Variants in ZNG1C observed in about 807,000 individuals in gnomAD.
ZNG1C encodes the protein Zn regulated GTPase metalloprotein activator 1C.
At chr9:68,266,543 C>T in the ZNG1C span, among the ~76,000 whole-genome samples, 15 of 146,272 alleles carry the variant, frequency 1.0e-4, no homozygotes, top group Middle Eastern at 3.5e-3. Context: ...TCAGGGTCTT[C>T]GCACTCCATC....
At chr9:68,287,558 A>G in the ZNG1C span, among the ~76,000 whole-genome samples, 6 of 152,286 alleles carry the variant, frequency 3.9e-5, no homozygotes, top group Non-Finnish European at 8.8e-5. Context: ...TAAAAAAAAC[A>G]AATGTATTTT....
At chr9:68,269,207 T>C in the ZNG1C span, 15 of 412,290 alleles carry the variant, frequency 3.6e-5, no homozygotes, top group Non-Finnish European at 6.7e-5. Flanking sequence ...ATGATAACAC[T>C]GTGTAAGTGT....
chr9:68,255,870 G>T, the ZNG1C span, among the ~76,000 whole-genome samples: 1 of 152,174 alleles, frequency 6.6e-6, no homozygotes, highest in Non-Finnish European at 1.5e-5. Flanking sequence ...TTAAATAATT[G>T]TCATGGTAAA....
At chr9:68,291,890 T>C in the ZNG1C span, among the ~76,000 whole-genome samples, 2 of 141,524 alleles carry the variant, frequency 1.4e-5, no homozygotes, top group African/African-American at 2.6e-5. Context: ...AAATAGTACA[T>C]TAAACCAGCA....
the ZNG1C span, among the ~76,000 whole-genome samples, chr9:68,266,643 A>G: frequency 6.8e-6 from 1 of 146,386 alleles, no homozygotes. Flanking sequence ...CCATGGATGC[A>G]TCCTGTCAGT....
At chr9:68,276,495 A>G in the ZNG1C span, among the ~76,000 whole-genome samples, 6 of 143,522 alleles carry the variant, frequency 4.2e-5, no homozygotes, top group Non-Finnish European at 9.1e-5. Context: ...GGTGTAAGGA[A>G]GGGATCCAGT....
the ZNG1C span, among the ~76,000 whole-genome samples, chr9:68,247,173 G>C: frequency 6.6e-6 from 1 of 152,158 alleles, no homozygotes; most frequent in Non-Finnish European, 1.5e-5. Flanking sequence ...TACTCATTGG[G>C]AATATTCAGC....
the ZNG1C span, among the ~76,000 whole-genome samples, chr9:68,288,647 ATTTTTTTTTT>A: frequency 1.4e-4 from 8 of 56,966 alleles, no homozygotes; most frequent in South Asian, 7.0e-4. Flanking sequence ...TAATTTTTGT[ATTTTTTTTTT>A]TTTTTTTTTT....
the ZNG1C span, among the ~76,000 whole-genome samples, chr9:68,279,434 A>C: frequency 3.4e-3 from 444 of 132,090 alleles, no homozygotes; most frequent in Middle Eastern, 7.1e-3. Flanking sequence ...ATGATTTTGC[A>C]GCGGCTGGTA....
At chr9:68,285,210 C>A in the ZNG1C span, 2 of 28,136 alleles carry the variant, frequency 7.1e-5, 1 homozygote, top group East Asian at 7.6e-4. Context: ...TAGGACCCCC[C>A]CAAAGAGACT....
the ZNG1C span, among the ~76,000 whole-genome samples, chr9:68,244,614 A>G: frequency 7.1e-6 from 1 of 140,142 alleles, no homozygotes; most frequent in Non-Finnish European, 1.5e-5. Flanking sequence ...GAAATGATAT[A>G]GTCATACAAT....
At chr9:68,278,059 AT>A in the ZNG1C span, among the ~76,000 whole-genome samples, 1 of 115,088 alleles carries the variant, frequency 8.7e-6, no homozygotes. Flanking sequence ...CAAGGAATTT[AT>A]CCATTTCTTC....
the ZNG1C span, among the ~76,000 whole-genome samples, chr9:68,276,107 G>C: frequency 6.6e-6 from 1 of 150,982 alleles, no homozygotes; most frequent in Admixed American, 6.6e-5. Context: ...GTCTTCTTTT[G>C]AGAAGTGTCT....
At chr9:68,247,425 T>G in the ZNG1C span, among the ~76,000 whole-genome samples, 3 of 151,392 alleles carry the variant, frequency 2.0e-5, no homozygotes, top group African/African-American at 7.3e-5. Context: ...TTAAGACATC[T>G]TAAATAAAAG....
At chr9:68,270,878 G>A in the ZNG1C span, 1 of 144,304 alleles carries the variant, frequency 6.9e-6, no homozygotes. Flanking sequence ...GCGAGACTCT[G>A]TCTCAAAAAA....
chr9:68,280,993 G>A, the ZNG1C span, among the ~76,000 whole-genome samples: 6 of 112,558 alleles, frequency 5.3e-5, no homozygotes, highest in Non-Finnish European at 9.7e-5. Context: ...GCGAGACTCC[G>A]TGGGCGTGGG....
At chr9:68,256,759 T>A in the ZNG1C span, among the ~76,000 whole-genome samples, 1 of 116,782 alleles carries the variant, frequency 8.6e-6, no homozygotes, top group African/African-American at 3.3e-5. Flanking sequence ...TCACTATAAT[T>A]CCCTTTTGCT....
chr9:68,295,892 G>GAA, the ZNG1C span, among the ~76,000 whole-genome samples: 4 of 71,288 alleles, frequency 5.6e-5, no homozygotes, highest in African/African-American at 2.2e-4. Flanking sequence ...AACCACTATG[G>GAA]AAAACAGTGT....
chr9:68,293,242 A>C, the ZNG1C span, among the ~76,000 whole-genome samples: 1 of 152,294 alleles, frequency 6.6e-6, no homozygotes, highest in African/African-American at 2.4e-5. Context: ...AGGACCTATA[A>C]AACAAAAATA....
Sources: allele counts gnomAD v4.1 joint callset (sites outside exome capture counted in the v4.1 genomes callset), GRCh38; gene constraint gnomAD v4.1.1; transcripts MANE v1.5; gene names NCBI Gene and HGNC (gene_info 2026-07-23, HGNC 2026-07-21).